CDH12: variants seen among roughly 807,000 people sequenced by gnomAD.
CDH12 encodes cadherin-12.
CDH12 carries 41 observed loss-of-function variants against 74.1 expected under a neutral mutation model. The ratio of observed to expected loss-of-function variants is 0.55; its 90% CI spans 0.43 to 0.72. The LOEUF is 0.72. Among genes scored for constraint, CDH12 ranks in the 30% least tolerant of loss-of-function variants. CDH12 has a pLI of 0.00. For synonymous variants in CDH12, 399 were observed against 355.0 expected, an observed-to-expected ratio of 1.12 and a Z score of -1.39; for missense variants, 945 against 977.2, an observed-to-expected ratio of 0.97 and a Z score of 0.44.
intron 1 of CDH12, among the ~76,000 whole-genome samples, chr5:22,592,283 C>T (rs1223420796): frequency 2.0e-5 from 3 of 152,168 alleles, no homozygotes; most frequent in Non-Finnish European, 2.9e-5. Context: ...GCTGTACTTT[C>T]GGCATGTTGC....
In CDH12 at chr5:22,197,078, G is replaced by T. The variant is rs1750661207; in HGVS notation, c.-187+15420C>A. Among the ~76,000 whole-genome samples, 3 of 152,244 alleles carry T rather than the reference G, an allele frequency of 2.0e-5. No homozygotes were observed. The South Asian group carries it at 6.2e-4, about 32-fold the overall frequency. ...AAATAAGAGTTAAAAAATAGTTTAT[G>T]ATAAGATTTTCATTAATAAGAAACT... On this transcript the variant is annotated intron_variant, in intron 4 of 14. Coordinates refer to ENST00000382254, the MANE Select transcript of CDH12 (RefSeq NM_004061.5).
intron 4 of CDH12, among the ~76,000 whole-genome samples, chr5:22,102,481 C>T (rs1467106408): frequency 6.6e-6 from 1 of 152,086 alleles, no homozygotes; most frequent in African/African-American, 2.4e-5. Flanking sequence ...CCAGCCTGAT[C>T]AACATGGTGA....
chr5:21,752,373 A>G, intron 14 of CDH12, 137 bp from the exon 15 acceptor site: 2 of 689,220 alleles, frequency 2.9e-6, no homozygotes, highest in Non-Finnish European at 4.9e-6. Flanking sequence ...AACATACCAT[A>G]ATCAATAGGA....
intron 1 of CDH12, among the ~76,000 whole-genome samples, chr5:22,704,545 A>G (rs1300916020): frequency 1.3e-5 from 2 of 152,136 alleles, no homozygotes; most frequent in African/African-American, 4.8e-5. Flanking sequence ...AAACTTTACA[A>G]TTTTATACAA....
chr5:22,607,890 G>C (rs567583466), intron 1 of CDH12, among the ~76,000 whole-genome samples: 1 of 152,332 alleles, frequency 6.6e-6, no homozygotes, highest in Admixed American at 6.5e-5. Flanking sequence ...CAAGAATTGG[G>C]GTTTGAAAAC....
intron 3 of CDH12, among the ~76,000 whole-genome samples, chr5:22,362,050 CA>C (rs1395745006): frequency 6.6e-6 from 1 of 152,104 alleles, no homozygotes; most frequent in African/African-American, 2.4e-5. Flanking sequence ...ACACCAAAAG[CA>C]AAGGCAACAA....
chr5:22,122,315 A>G (rs1308227561), intron 4 of CDH12, among the ~76,000 whole-genome samples: 1 of 152,152 alleles, frequency 6.6e-6, no homozygotes, highest in Admixed American at 6.5e-5. Context: ...AAGGAGGAGA[A>G]TTGCTTGAAC....
chr5:21,838,133 C>T (rs906679055), intron 8 of CDH12, among the ~76,000 whole-genome samples: 40 of 152,090 alleles, frequency 2.6e-4, no homozygotes, highest in African/African-American at 9.4e-4. Flanking sequence ...TGATCTTCAG[C>T]AAGTTATTAT....
chr5:22,604,315 G>A (rs1257668552), intron 1 of CDH12, among the ~76,000 whole-genome samples: 1 of 152,152 alleles, frequency 6.6e-6, no homozygotes, highest in East Asian at 1.9e-4. Flanking sequence ...GAACAGAATT[G>A]ACAGAGTTAT....
chr5:22,794,914 A>G (rs1447388090), intron 1 of CDH12, among the ~76,000 whole-genome samples: 1 of 152,162 alleles, frequency 6.6e-6, no homozygotes, highest in Non-Finnish European at 1.5e-5. Context: ...GGAAGCAGAG[A>G]TGGAGATGAT....
At chr5:22,022,778 G>C (rs1232120910) in intron 5 of CDH12, among the ~76,000 whole-genome samples, 2 of 152,050 alleles carry the variant, frequency 1.3e-5, no homozygotes, top group African/African-American at 4.8e-5. Context: ...GAAGTCACCT[G>C]TGACTTTTCT....
chr5:22,290,440 G>T (rs1737335538), intron 3 of CDH12, among the ~76,000 whole-genome samples: 1 of 152,110 alleles, frequency 6.6e-6, no homozygotes, highest in Non-Finnish European at 1.5e-5. Flanking sequence ...TTAATAGAGG[G>T]ATTAGAATGA....
chr5:21,954,071 C>G (rs1302286956), intron 6 of CDH12, among the ~76,000 whole-genome samples: 2 of 151,934 alleles, frequency 1.3e-5, no homozygotes, highest in Non-Finnish European at 2.9e-5. Context: ...ATCCTGCTTT[C>G]AATAGCACAT....
At chr5:22,285,054 A>G (rs1363370239) in intron 3 of CDH12, among the ~76,000 whole-genome samples, 1 of 152,070 alleles carries the variant, frequency 6.6e-6, no homozygotes, top group Admixed American at 6.6e-5. Flanking sequence ...AATAACATGC[A>G]TTGAGAAAGA....
At chr5:22,227,836 A>G (rs1332867631) in intron 3 of CDH12, among the ~76,000 whole-genome samples, 2 of 152,114 alleles carry the variant, frequency 1.3e-5, no homozygotes, top group African/African-American at 4.8e-5. Context: ...TTGGAAACAG[A>G]GTAATTCCAA....
intron 6 of CDH12, among the ~76,000 whole-genome samples, chr5:21,970,464 T>G (rs1034128322): frequency 6.6e-6 from 1 of 152,070 alleles, no homozygotes. Flanking sequence ...TGTTTCTAAG[T>G]TATAATAGTT....
chr5:22,728,769 G>C (rs1290745070), intron 1 of CDH12, among the ~76,000 whole-genome samples: 1 of 151,844 alleles, frequency 6.6e-6, no homozygotes, highest in African/African-American at 2.4e-5. Context: ...AGCAGAGAGA[G>C]AGAGGAAGCA....
rs150987302 is a variant in CDH12, at chr5:22,733,473, T to C, written c.-523+119585A>G. Among the ~76,000 whole-genome samples, 789 of 151,792 alleles carry C rather than the reference T, an allele frequency of 5.2e-3. 3 individuals carry two copies. The highest frequency in any genetic ancestry group is 8.7e-3 in the South Asian group (42 of 4,808). On this transcript the variant is annotated intron_variant, in intron 1 of 14. Coordinates refer to ENST00000382254, the MANE Select transcript of CDH12 (RefSeq NM_004061.5). ...TTTTTAGTTTAGCATATTCATTTTATGTGTCATACTGTGATTCATTTCTCC... is the reference window on the plus strand; with the variant it reads ...TTTTTAGTTTAGCATATTCATTTTACGTGTCATACTGTGATTCATTTCTCC...
intron 2 of CDH12, among the ~76,000 whole-genome samples, chr5:22,444,787 A>G (rs556430652): frequency 1.3e-5 from 2 of 152,126 alleles, no homozygotes; most frequent in African/African-American, 4.8e-5. Flanking sequence ...AAATTAAATA[A>G]ATTCATATTA....
Sources: allele counts gnomAD v4.1 joint callset (sites outside exome capture counted in the v4.1 genomes callset), GRCh38; gene constraint gnomAD v4.1.1; transcripts MANE v1.5; gene names NCBI Gene and HGNC (gene_info 2026-07-23, HGNC 2026-07-21).